The following RIMS2 variants were observed in gnomAD, a reference collection of about 807,000 sequenced individuals.
RIMS2 encodes the protein regulating synaptic membrane exocytosis protein 2.
Under a neutral mutation model 174.4 loss-of-function variants are expected in RIMS2, and 59 were observed. The observed-to-expected ratio is 0.34, with a 90% CI of 0.27 to 0.42. The LOEUF (loss-of-function observed/expected upper bound fraction) is 0.42. Among genes scored for constraint, RIMS2 ranks in the 10% least tolerant of loss-of-function variants. RIMS2 has a pLI of 1.00. For missense variants in RIMS2, 1,620 were observed against 1,666.3 expected (o/e 0.97, Z 0.48); for synonymous variants, 606 against 572.5 (o/e 1.06, Z -0.84).
At chr8:103,501,809 A>C (rs1039806236) in intron 1 of RIMS2, 1 of 152,188 alleles carries the variant, frequency 6.6e-6, no homozygotes, top group African/African-American at 2.4e-5. Flanking sequence ...GTGAAGTTCT[A>C]CTATTCTTGC....
chr8:104,231,242 A>G (rs1233861605), intron 19 of RIMS2, among the ~76,000 whole-genome samples: 1 of 152,076 alleles, frequency 6.6e-6, no homozygotes, highest in Non-Finnish European at 1.5e-5. Flanking sequence ...AGTTCTCTTA[A>G]ACCCCATCTT....
At chr8:104,166,149 C>T (rs1160501496) in intron 19 of RIMS2, among the ~76,000 whole-genome samples, 1 of 148,876 alleles carries the variant, frequency 6.7e-6, no homozygotes, top group South Asian at 2.1e-4. Flanking sequence ...TCACTGCAAG[C>T]TCCGCCTCCC....
intron 17 of RIMS2, among the ~76,000 whole-genome samples, chr8:104,003,617 T>C (rs937076466): frequency 6.6e-6 from 1 of 152,134 alleles, no homozygotes; most frequent in East Asian, 1.9e-4. Flanking sequence ...TTTCCCCATG[T>C]TGGCCAGGCT....
At chr8:103,876,190 G>A (rs971102825) in intron 3 of RIMS2, among the ~76,000 whole-genome samples, 6 of 151,686 alleles carry the variant, frequency 4.0e-5, no homozygotes, top group African/African-American at 1.5e-4. Flanking sequence ...GTCAATGTCC[G>A]GAAGAGTTTT....
intron 2 of RIMS2, among the ~76,000 whole-genome samples, chr8:103,706,965 C>G (rs2097238678): frequency 6.6e-6 from 1 of 151,950 alleles, no homozygotes; most frequent in African/African-American, 2.4e-5. Flanking sequence ...TGTAAGTGTA[C>G]TTCATTTCTT....
chr8:104,047,896 G>A (rs1219680769), intron 19 of RIMS2, among the ~76,000 whole-genome samples: 4 of 152,038 alleles, frequency 2.6e-5, no homozygotes, highest in Non-Finnish European at 5.9e-5. Flanking sequence ...AGACAGGTAC[G>A]AATTATTATT....
chr8:103,878,598 A>G lies in RIMS2; in HGVS notation c.699-6700A>G, dbSNP rs531886718. Among the ~76,000 whole-genome samples, 12 of 151,948 alleles carry G rather than the reference A, an allele frequency of 7.9e-5. No homozygotes were observed. The South Asian group carries it at 2.3e-3, about 29-fold the overall frequency. On this transcript the variant is annotated intron_variant, in intron 3 of 23. Transcript: ENST00000504942. ...ACTGGCTTCATAGCATGAGTCAGGT[A>G]GGATTCCCTCCTTAATCTTTTGATA...
intron 1 of RIMS2, among the ~76,000 whole-genome samples, chr8:103,513,141 C>T (rs893820470): frequency 2.0e-5 from 3 of 152,146 alleles, no homozygotes; most frequent in Admixed American, 6.5e-5. Context: ...TTGGAGGCTG[C>T]CTGCAGTCGG....
Position 103,662,660 on chromosome 8 carries a change from G to A in RIMS2, c.177-34426G>A, listed in dbSNP as rs1037227961. On this transcript the variant is annotated intron_variant, in intron 1 of 23. Coordinates refer to ENST00000504942, the Ensembl canonical transcript of RIMS2. ...AAGAAATGAAACACCTTTTCCCTTT[G>A]GAGTCAGAAGAGTCTATCTATCTAT... Among the ~76,000 whole-genome samples the A allele has an allele frequency of 3.3e-5, 5 of 150,154 alleles. No homozygotes were observed. The East Asian group carries it at 7.9e-4, about 24-fold the overall frequency.
chr8:103,623,697 G>C (rs1260153200), intron 1 of RIMS2, among the ~76,000 whole-genome samples: 4 of 151,604 alleles, frequency 2.6e-5, no homozygotes, highest in African/African-American at 7.3e-5. Flanking sequence ...CACCGTGTTA[G>C]CCAGGATGGT....
chr8:103,927,743 T>G (rs2079056676), intron 10 of RIMS2: 2 of 744,916 alleles, frequency 2.7e-6, no homozygotes. Flanking sequence ...ATTTAAGGGA[T>G]AGTTGTATGT....
At chr8:103,575,669 CAT>C (rs2093166923) in intron 1 of RIMS2, among the ~76,000 whole-genome samples, 6 of 114,098 alleles carry the variant, frequency 5.3e-5, no homozygotes, top group Admixed American at 4.0e-4. Context: ...TAAACACACA[CAT>C]ACACACACAC....
chr8:103,656,634 T>G (rs1157369966), intron 1 of RIMS2, among the ~76,000 whole-genome samples: 1 of 152,208 alleles, frequency 6.6e-6, no homozygotes, highest in East Asian at 1.9e-4. Flanking sequence ...GTCACTGCTA[T>G]TCTCATAACA....
chr8:103,766,204 T>TA, intron 2 of RIMS2, 23 bp from the exon 6 acceptor site: 1 of 1,523,664 alleles, frequency 6.6e-7, no homozygotes, highest in Non-Finnish European at 8.9e-7. Context: ...ACTAATTTTT[T>TA]CCCCCTATGT....
At chr8:103,679,118 C>G (rs192144368) in intron 1 of RIMS2, among the ~76,000 whole-genome samples, 40 of 152,052 alleles carry the variant, frequency 2.6e-4, no homozygotes, top group Middle Eastern at 3.4e-3. Flanking sequence ...GAGGCAAACC[C>G]TTTTTACCAG....
chr8:104,012,221 T>C, intron 17 of RIMS2, among the ~76,000 whole-genome samples: 1 of 152,022 alleles, frequency 6.6e-6, no homozygotes, highest in South Asian at 2.1e-4. Flanking sequence ...GACTTTAAAA[T>C]GTAAAATAAT....
intron 3 of RIMS2, among the ~76,000 whole-genome samples, chr8:103,850,934 C>T (rs2098994440): frequency 1.3e-5 from 2 of 151,846 alleles, no homozygotes; most frequent in Admixed American, 1.3e-4. Flanking sequence ...TCTATGATGT[C>T]CTTGAGTGGG....
intron 2 of RIMS2, among the ~76,000 whole-genome samples, chr8:103,763,809 A>C (rs1484373067): frequency 2.0e-5 from 3 of 152,230 alleles, no homozygotes; most frequent in Non-Finnish European, 4.4e-5. Flanking sequence ...GGCTCCACAG[A>C]AACAATACTA....
intron 14 of RIMS2, among the ~76,000 whole-genome samples, chr8:103,949,144 A>AAAAGGG (rs1226140523): frequency 3.0e-3 from 418 of 138,346 alleles, no homozygotes; most frequent in Non-Finnish European, 3.6e-3. Flanking sequence ...AAAAAAAAAA[A>AAAAGGG]AAAGGGAAAG....
Sources: gnomAD v4.1 joint callset for allele counts (sites outside exome capture counted in the v4.1 genomes callset) on GRCh38, gnomAD v4.1.1 for gene constraint, MANE v1.5 for transcripts, NCBI Gene and HGNC (gene_info 2026-07-23, HGNC 2026-07-21) for gene names.